Variants in NAA16 observed in about 807,000 individuals in gnomAD.
NAA16 encodes the protein NARG1-like protein.
A neutral mutation model predicts 110.3 loss-of-function variants in NAA16; 97 were observed. The ratio of observed to expected loss-of-function variants is 0.88; its 90% CI spans 0.75 to 1.04. NAA16 has a LOEUF of 1.04. NAA16 is among the 50% of genes least tolerant of loss of function. The pLI is 0.00. For synonymous variants in NAA16, 372 were observed against 330.6 expected (o/e 1.13, Z -1.36); for missense variants, 1,017 against 1,005.1 (o/e 1.01, Z -0.16).
chr13:41,358,998 A>T, intron 12 of NAA16, 36 bp downstream of exon 12: 1 of 1,510,884 alleles, frequency 6.6e-7, no homozygotes, highest in South Asian at 1.3e-5. Flanking sequence ...TAATTGTCTA[A>T]ATTAAGACAG....
intron 13 of NAA16, chr13:41,362,712 T>C (rs2043138009): frequency 7.8e-7 from 1 of 1,289,680 alleles, no homozygotes; most frequent in African/African-American, 1.5e-5. Flanking sequence ...TGTTTTCCTG[T>C]TCTTTGTCAT....
Position 41,370,480 on chromosome 13 carries a change from C to T in NAA16, c.1947+1197C>T, listed in dbSNP as rs562766256. ...TGTGCAAATGCAGTTGGGATTATGA[C>T]CATGGCTGCCTTTTATCTATAAAGC... is the stretch of plus-strand genomic sequence containing the variant. On this transcript the variant is annotated intron_variant, in intron 15 of 19. Coordinates refer to ENST00000379406, the MANE Select transcript of NAA16 (RefSeq NM_024561.5). Among the ~76,000 whole-genome samples the T allele has an allele frequency of 1.4e-4, 21 of 152,314 alleles. No homozygotes were observed. In the South Asian group the frequency reaches 4.3e-3, roughly 32 times the overall value.
At chr13:41,320,580 C>G in intron 3 of NAA16, 87 bp from the exon 4 acceptor site, 2 of 1,264,214 alleles carry the variant, frequency 1.6e-6, no homozygotes, top group Non-Finnish European at 2.1e-6. Flanking sequence ...AGGCAAAATA[C>G]CATTTCCTTA....
chr13:41,340,693 C>T (rs1369835528), intron 9 of NAA16, among the ~76,000 whole-genome samples: 6 of 94,188 alleles, frequency 6.4e-5, no homozygotes, highest in Non-Finnish European at 9.6e-5. Context: ...TTTTTTTTTC[C>T]GAGACGGAGT....
In NAA16 at chr13:41,325,700, TCC is replaced by T. The variant is rs1192142696; in HGVS notation, c.541_542del (p.Pro181SerfsTer7). The T allele has an allele frequency of 1.3e-6, 2 of 1,561,358 alleles. No homozygotes were observed. Among genetic ancestry groups the T allele is most frequent in the Admixed American group, 3.8e-5 (2 of 51,966 alleles). On this transcript the variant is annotated frameshift_variant, in exon 6 of 20. Coordinates refer to ENST00000379406, the MANE Select transcript of NAA16 (RefSeq NM_024561.5). LOFTEE classifies it high-confidence loss of function. ...GTAATTTGGTCATTTTTTTTCAGGT[TCC>T]TCCAAACAAAATAGATTATGAATAT... ...LEEFRQTQQV[P>X]PNKIDYEYSE... is the part of the protein sequence containing the mutation.
Position 41,325,822 on chromosome 13 carries a change from G to A in NAA16, c.662G>A (p.Cys221Tyr). ...ATAGAAATGTATGAGAAACAAATAT[G>A]TGATAAACTTTTGGTGGAAGAAATT... The part of the protein sequence containing the change: ...EHIEMYEKQI[C>Y]DKLLVEEIKG... The change falls in exon 6 of 20, where the codon TGT becomes TAT. Residue 221 changes from cysteine to tyrosine, a missense_variant. Physicochemically the swap from Cys to Tyr is radical, Grantham distance 194. Transcript: ENST00000379406. The A allele has an allele frequency of 6.2e-7, 1 of 1,605,190 alleles. No homozygotes were observed. The highest frequency in any genetic ancestry group is 8.5e-7 in the Non-Finnish European group (1 of 1,176,494).
At chr13:41,371,740 G>T (rs2043322873) in intron 15 of NAA16, among the ~76,000 whole-genome samples, 2 of 152,190 alleles carry the variant, frequency 1.3e-5, no homozygotes. Flanking sequence ...AGAGTCAGAA[G>T]TTACACATAG....
At chr13:41,312,786 G>A (rs901133258) in intron 1 of NAA16, among the ~76,000 whole-genome samples, 8 of 152,152 alleles carry the variant, frequency 5.3e-5, no homozygotes, top group Non-Finnish European at 1.0e-4. Flanking sequence ...TAGTAGATGG[G>A]ATAAAAATTT....
intron 7 of NAA16, 79 bp downstream of exon 7, chr13:41,328,922 G>A: frequency 7.9e-7 from 1 of 1,263,648 alleles, no homozygotes; most frequent in Non-Finnish European, 1.1e-6. Flanking sequence ...TAATACTTGG[G>A]AACAAATAAT....
chr13:41,375,240 T>A (rs1260680728), intron 19 of NAA16, among the ~76,000 whole-genome samples, 165 bp from the exon 20 acceptor site: 2 of 152,214 alleles, frequency 1.3e-5, no homozygotes, highest in African/African-American at 4.8e-5. Context: ...GTTGAATTTT[T>A]AATGTGCCTT....
chr13:41,318,803 C>G lies in NAA16; in HGVS notation c.140-3C>G, dbSNP rs1829033564. On this transcript the variant is annotated splice_polypyrimidine_tract_variant and splice_region_variant and intron_variant, in intron 2 of 19. Coordinates refer to ENST00000379406, the MANE Select transcript of NAA16 (RefSeq NM_024561.5). ...TAAATAGAGTTTAAAAATTATTTTT[C>G]AGAGACTTTGGCTATGAAAGGATTA... is the stretch of plus-strand genomic sequence containing the variant. 2 of 1,513,444 alleles carry G rather than the reference C, an allele frequency of 1.3e-6. No homozygotes were observed. The highest frequency in any genetic ancestry group is 1.4e-5 in the African/African-American group (1 of 70,916). The allele number at this position is 1,513,444 out of a possible 1,614,324, so 93.8% of individuals were successfully genotyped here.
In NAA16 at chr13:41,362,902, C is replaced by CA; in HGVS notation, c.1539+744dup. Reference sequence around the variant, plus strand: ...AGCCTGATGTCTGCACCGTGGCAGTCACTTTGGCCTTTTTCCCACGTGAAA... The same window carrying CA: ...AGCCTGATGTCTGCACCGTGGCAGTCAACTTTGGCCTTTTTCCCACGTGAAA... On this transcript the variant is annotated intron_variant, in intron 13 of 19. Transcript: ENST00000379406. The CA allele has an allele frequency of 3.5e-6, 4 of 1,156,008 alleles. No individual in the cohort carries two copies. The South Asian group carries it at 5.3e-5, about 15-fold the overall frequency. The allele number at this position is 1,156,008 out of a possible 1,614,324, so 71.6% of individuals were successfully genotyped here.
chr13:41,365,843 C>G (rs2043197527), intron 13 of NAA16, among the ~76,000 whole-genome samples: 1 of 152,140 alleles, frequency 6.6e-6, no homozygotes. Flanking sequence ...TCTATTAATG[C>G]TGCTAGGAAT....
rs755218080 is a variant in NAA16 at position 41,369,223 on chromosome 13, TGAAGAA to T, written c.1898_1903del (p.Glu633_Glu634del). The T allele has an allele frequency of 1.3e-5, 20 of 1,593,580 alleles. No homozygotes were observed. In the South Asian group the frequency reaches 2.0e-4, roughly 16 times the overall value. On this transcript the variant is annotated inframe_deletion, in exon 15 of 20. Coordinates refer to ENST00000379406, the MANE Select transcript of NAA16 (RefSeq NM_024561.5). ...AGAAAAATCAAAAGAAAAAAAGAGA[TGAAGAA>T]GAAGAAGAAGCCAGTGGCCTTAAGG...
intron 10 of NAA16, among the ~76,000 whole-genome samples, chr13:41,356,842 T>G (rs1476959443): frequency 6.6e-6 from 1 of 152,248 alleles, no homozygotes; most frequent in Non-Finnish European, 1.5e-5. Flanking sequence ...TCATTCATAC[T>G]TGTAAGTTAT....
chr13:41,367,440 AT>A lies in NAA16; in HGVS notation c.1548del (p.Phe516LeufsTer3), dbSNP rs749241638. ...AATTTTGTGATTTTTGTTTTTAAGC[AT>A]TTTTTTGAGATAACTGATGACCAAT... ...ALKKCHEVER[H>X]FFEITDDQFD... On this transcript the variant is annotated frameshift_variant and splice_region_variant, in exon 14 of 20. Coordinates refer to ENST00000379406, the MANE Select transcript of NAA16 (RefSeq NM_024561.5). LOFTEE classifies it high-confidence loss of function. The A allele has an allele frequency of 9.5e-6, 15 of 1,586,318 alleles. No individual in the cohort carries two copies. Among genetic ancestry groups the A allele is most frequent in the Admixed American group, 1.7e-5 (1 of 57,878 alleles).
chr13:41,339,280 C>T (rs2042467329), intron 9 of NAA16, among the ~76,000 whole-genome samples: 1 of 151,996 alleles, frequency 6.6e-6, no homozygotes, highest in Admixed American at 6.6e-5. Flanking sequence ...GCTGGGATTA[C>T]AGGCATGTGC....
At chr13:41,336,888 T>C (rs2042395494) in intron 9 of NAA16, 132 bp downstream of exon 9, 2 of 507,364 alleles carry the variant, frequency 3.9e-6, no homozygotes, top group African/African-American at 2.0e-5. Context: ...TTCAGTCATG[T>C]ACTGAAATTA....
At chr13:41,368,992 G>A in intron 14 of NAA16, 98 bp from the exon 15 acceptor site, 1 of 1,047,780 alleles carries the variant, frequency 9.5e-7, no homozygotes, top group Non-Finnish European at 1.4e-6. Flanking sequence ...ATCCCCCACT[G>A]ATACCAAGGG....
Sources: gnomAD v4.1 joint callset for allele counts (sites outside exome capture counted in the v4.1 genomes callset) on GRCh38, gnomAD v4.1.1 for gene constraint, MANE v1.5 for transcripts, NCBI Gene and HGNC (gene_info 2026-07-23, HGNC 2026-07-21) for gene names.